Variants in PCDHA4 observed in about 807,000 individuals in gnomAD.
PCDHA4 encodes protocadherin alpha 4, also known as protocadherin alpha-4.
A neutral mutation model predicts 61.4 loss-of-function variants in PCDHA4; 49 were observed. The ratio of observed to expected loss-of-function variants is 0.80; its 90% confidence interval spans 0.63 to 1.01. The LOEUF (loss-of-function observed/expected upper bound fraction) is 1.01. Ranked by LOEUF, PCDHA4 falls within the 50% of genes least tolerant of loss-of-function variation. The pLI is 0.00. For missense variants in PCDHA4, 1,254 were observed against 1,235.8 expected, an observed-to-expected ratio of 1.01 and a Z score of -0.22; for synonymous variants, 590 against 550.3, an observed-to-expected ratio of 1.07 and a Z score of -1.01.
intron 1 of PCDHA4, chr5:140,822,291 TC>T (rs2150115255): frequency 2.5e-6 from 4 of 1,614,198 alleles, no homozygotes; most frequent in Non-Finnish European, 3.4e-6. Context: ...ACAGGTTAAA[TC>T]CAAACGAATA....
intron 1 of PCDHA4, chr5:140,829,146 T>C (rs372034322): frequency 1.2e-6 from 2 of 1,613,848 alleles, no homozygotes; most frequent in Non-Finnish European, 1.7e-6. Context: ...GAGATAGCAC[T>C]GACTTCCTTA....
At chr5:140,890,968 T>C (rs559851253) in intron 1 of PCDHA4, among the ~76,000 whole-genome samples, 7 of 152,190 alleles carry the variant, frequency 4.6e-5, no homozygotes, top group African/African-American at 7.2e-5. Flanking sequence ...AGGTTTTGTT[T>C]TTCTGAAAAT....
intron 1 of PCDHA4, among the ~76,000 whole-genome samples, chr5:140,855,693 A>G (rs2043577719): frequency 6.7e-6 from 1 of 149,800 alleles, no homozygotes; most frequent in African/African-American, 2.5e-5. Context: ...TTAAGAAAAC[A>G]TTGCACGTGG....
chr5:140,981,232 T>G (rs768766953), intron 2 of PCDHA4, among the ~76,000 whole-genome samples: 32 of 152,216 alleles, frequency 2.1e-4, no homozygotes, highest in Non-Finnish European at 4.3e-4. Context: ...GTAGTCTAAA[T>G]TTTATTTTAG....
chr5:140,876,273 C>T, intron 1 of PCDHA4: 1 of 1,613,982 alleles, frequency 6.2e-7, no homozygotes, highest in South Asian at 1.1e-5. Context: ...TAAATGCTTC[C>T]GATCCAGACG....
chr5:140,883,263 G>T (rs562257406), intron 1 of PCDHA4: 2 of 1,613,988 alleles, frequency 1.2e-6, no homozygotes, highest in Admixed American at 1.7e-5. Flanking sequence ...CCAATGGCGG[G>T]TCATTGTACC....
chr5:140,941,564 C>T (rs1352264408), intron 1 of PCDHA4, among the ~76,000 whole-genome samples: 2 of 151,992 alleles, frequency 1.3e-5, no homozygotes, highest in Non-Finnish European at 2.9e-5. Flanking sequence ...ATCCATTCGC[C>T]TCAGCCTCCC....
intron 3 of PCDHA4, chr5:140,988,770 G>A (rs1388594585): frequency 6.6e-6 from 1 of 152,168 alleles, no homozygotes; most frequent in African/African-American, 2.4e-5. Flanking sequence ...TACAGTCATG[G>A]TTAAGACCAT....
intron 1 of PCDHA4, chr5:140,854,326 T>G (rs1243654252): frequency 4.3e-6 from 1 of 230,654 alleles, no homozygotes; most frequent in East Asian, 1.8e-4. Context: ...AATGGCAAAC[T>G]TATTTTACGC....
chr5:140,957,694 C>T (rs269548), intron 1 of PCDHA4, among the ~76,000 whole-genome samples: 31,397 of 151,782 alleles, frequency 0.21, 4,012 homozygotes, highest in African/African-American at 0.36. Flanking sequence ...AGACAATGAA[C>T]ATTATGTAGT....
chr5:140,871,748 A>T (rs1298018715), intron 1 of PCDHA4: 3 of 637,032 alleles, frequency 4.7e-6, no homozygotes, highest in Non-Finnish European at 7.7e-6. Flanking sequence ...TCCTAAAAGA[A>T]ATGAGATGCA....
chr5:140,851,897 C>T (rs1308914587), intron 1 of PCDHA4: 1 of 973,518 alleles, frequency 1.0e-6, no homozygotes, highest in African/African-American at 1.8e-5. Context: ...TGAGATTTGC[C>T]TCTTTAATGT....
At position 140,808,102 on chromosome 5, in the gene PCDHA4, G is replaced by A. The variant is rs148933348; in HGVS notation, c.915G>A (p.Lys305=). The change falls in exon 1 of 4, where the codon AAG becomes AAA. Residue 305 remains lysine (K), a synonymous_variant. Transcript: ENST00000530339. ...CAATTACTGGACAAATTATTGTAAA[G>A]GGATATATTGACTTTGAAGAAAGCA... ...IDPITGQIIV[K]GYIDFEESKS... 195 of 1,613,972 alleles carry A rather than the reference G, an allele frequency of 1.2e-4. No homozygotes were observed. In the African/African-American group the frequency reaches 2.5e-3, roughly 20 times the overall value.
chr5:140,943,998 G>C (rs2093593066), intron 1 of PCDHA4, among the ~76,000 whole-genome samples: 1 of 152,178 alleles, frequency 6.6e-6, no homozygotes, highest in Non-Finnish European at 1.5e-5. Context: ...CAGAACTACT[G>C]AGTACCCCCC....
At chr5:140,963,722 T>G (rs948660694) in intron 1 of PCDHA4, among the ~76,000 whole-genome samples, 2 of 152,242 alleles carry the variant, frequency 1.3e-5, no homozygotes, top group Non-Finnish European at 2.9e-5. Flanking sequence ...ACATATAGAC[T>G]GCCAACTAAG....
At chr5:141,002,595 C>T (rs2098087240) in intron 3 of PCDHA4, among the ~76,000 whole-genome samples, 2 of 152,192 alleles carry the variant, frequency 1.3e-5, no homozygotes, top group Admixed American at 1.3e-4. Context: ...TTAGTCCCCT[C>T]ATCTATAAAA....
intron 1 of PCDHA4, among the ~76,000 whole-genome samples, chr5:140,945,918 C>T (rs782600130): frequency 1.2e-4 from 18 of 152,106 alleles, no homozygotes; most frequent in Admixed American, 2.6e-4. Context: ...ATCAATAACA[C>T]TGATCTGAGC....
intron 1 of PCDHA4, among the ~76,000 whole-genome samples, chr5:140,945,198 C>T (rs1563212846): frequency 6.6e-6 from 1 of 151,982 alleles, no homozygotes; most frequent in Non-Finnish European, 1.5e-5. Flanking sequence ...ATGCTATTTA[C>T]AATAGCTATG....
Position 140,855,858 on chromosome 5 carries a change from G to A in PCDHA4, c.2385+46286G>A, listed in dbSNP as rs1203638572. 5 of 715,820 alleles carry A rather than the reference G, an allele frequency of 7.0e-6. 1 individual carries two copies. Among genetic ancestry groups the A allele is most frequent in the Non-Finnish European group, 1.1e-5 (5 of 445,056 alleles). The allele number at this position is 715,820 out of a possible 1,614,324, so 44.3% of individuals were successfully genotyped here. A position where few individuals can be genotyped will look rare whatever the true frequency, so the allele number is the denominator to read the frequency against. On this transcript the variant is annotated intron_variant, in intron 1 of 3. Coordinates refer to ENST00000530339, the MANE Select transcript of PCDHA4 (RefSeq NM_018907.4). ...CTTACACCTAAAGCCACCGGATGTC[G>A]CTGTCGTCCACAAAATAGCTTTTTA...
Sources: allele counts gnomAD v4.1 joint callset (sites outside exome capture counted in the v4.1 genomes callset), GRCh38; gene constraint gnomAD v4.1.1; transcripts MANE v1.5; gene names NCBI Gene and HGNC (gene_info 2026-07-23, HGNC 2026-07-21).